The following SRP72 variants were observed in gnomAD, a reference collection of about 807,000 sequenced individuals.
SRP72 encodes signal recognition particle 72, also known as signal recognition particle subunit SRP72.
A neutral mutation model predicts 96.3 loss-of-function variants in SRP72; 49 were observed. That is an observed-to-expected ratio of 0.51 (90% confidence interval 0.40 to 0.65). The LOEUF is 0.65. SRP72 is among the 30% of genes least tolerant of loss of function. The pLI is 0.00. For missense variants in SRP72, 736 were observed against 793.3 expected, an observed-to-expected ratio of 0.93 and a Z score of 0.87; for synonymous variants, 267 against 275.2, an observed-to-expected ratio of 0.97 and a Z score of 0.30.
intron 5 of SRP72, among the ~76,000 whole-genome samples, chr4:56,475,267 A>G (rs1314805492): frequency 6.6e-6 from 1 of 151,824 alleles, no homozygotes; most frequent in African/African-American, 2.4e-5. Flanking sequence ...AAGAATTATA[A>G]TTTTTTTGGC....
intron 1 of SRP72, among the ~76,000 whole-genome samples, 200 bp from the exon 2 acceptor site, chr4:56,469,453 C>T (rs1353749822): frequency 1.3e-5 from 2 of 152,140 alleles, no homozygotes; most frequent in Non-Finnish European, 2.9e-5. Context: ...CTTATTGTCA[C>T]TTCTTAAGTT....
rs185288366 is a variant in SRP72 at position 56,480,064 on chromosome 4, A to G, written c.825+1415A>G. ...GACTTCAAAGCTTTCCCCTTCTACT[A>G]CTTAGTGGTTCTTCTCTCCTGTGGC... is the stretch of plus-strand genomic sequence containing the variant. On this transcript the variant is annotated intron_variant, in intron 8 of 18. Transcript: ENST00000642900. 2.2e-3 allele frequency among the ~76,000 whole-genome samples: 342 copies of G among 152,192 alleles called. 3 individuals carry two copies. Among genetic ancestry groups the G allele is most frequent in the African/African-American group, 8.0e-3 (333 of 41,518 alleles).
intron 13 of SRP72, among the ~76,000 whole-genome samples, chr4:56,489,774 C>T (rs1434516139): frequency 6.6e-6 from 1 of 152,078 alleles, no homozygotes; most frequent in Non-Finnish European, 1.5e-5. Flanking sequence ...TACATGATTG[C>T]ATATTTAAGA....
At position 56,490,457 on chromosome 4, in the gene SRP72, T is replaced by C. The variant is rs548910251; in HGVS notation, c.1424+21T>C. 1.1e-5 allele frequency: 17 copies of C among 1,609,968 alleles called. No individual in the cohort carries two copies. In the African/African-American group the frequency reaches 2.0e-4, roughly 19 times the overall value. On this transcript the variant is annotated intron_variant, in intron 14 of 18. Transcript: ENST00000642900. ...TGGAAGTAAGCTCTGAAACGTGGAG[T>C]TGTAGAAATAACACATTTATTGTTG...
chr4:56,485,208 T>A (rs1578187814), intron 10 of SRP72, among the ~76,000 whole-genome samples: 2 of 152,262 alleles, frequency 1.3e-5, no homozygotes, highest in East Asian at 3.9e-4. Context: ...TGAGTTCTAC[T>A]CCAGAACCTC....
chr4:56,484,026 ATTTTT>A (rs539665243), intron 9 of SRP72, among the ~76,000 whole-genome samples: 7,936 of 86,368 alleles, frequency 0.092, 304 homozygotes, highest in Admixed American at 0.16. Context: ...AGAAGCAGTA[ATTTTT>A]TTTTTTTTTT....
chr4:56,497,636 C>G (rs1427079464), intron 17 of SRP72, among the ~76,000 whole-genome samples: 1 of 151,594 alleles, frequency 6.6e-6, no homozygotes, highest in Non-Finnish European at 1.5e-5. Flanking sequence ...ATCAGCCCAC[C>G]CATACCTTGC....
intron 2 of SRP72, among the ~76,000 whole-genome samples, chr4:56,470,841 T>TC (rs1719945223): frequency 6.6e-6 from 1 of 151,588 alleles, no homozygotes; most frequent in Non-Finnish European, 1.5e-5. Context: ...TTTTTTTTTT[T>TC]TTTTTGGGAG....
chr4:56,494,164 GA>G (rs1456712522), intron 16 of SRP72, among the ~76,000 whole-genome samples: 3 of 136,396 alleles, frequency 2.2e-5, no homozygotes, highest in African/African-American at 5.5e-5. Flanking sequence ...AGACAATTTA[GA>G]ATACTATTGC....
intron 8 of SRP72, among the ~76,000 whole-genome samples, chr4:56,480,597 G>A (rs909962632): frequency 1.3e-5 from 2 of 152,106 alleles, no homozygotes; most frequent in Non-Finnish European, 2.9e-5. Context: ...ATAATTGTAG[G>A]GGAAGAGAGC....
chr4:56,495,306 C>G, intron 16 of SRP72, 51 bp from the exon 17 acceptor site: 1 of 1,311,378 alleles, frequency 7.6e-7, no homozygotes, highest in Non-Finnish European at 1.1e-6. Flanking sequence ...ACTTAATGCT[C>G]TATAAATATT....
intron 2 of SRP72, among the ~76,000 whole-genome samples, chr4:56,470,645 C>T (rs144303803): frequency 1.5e-3 from 224 of 151,646 alleles, no homozygotes; most frequent in African/African-American, 4.1e-3. Flanking sequence ...ATATTTGAGG[C>T]GTATAAATGT....
In SRP72 at chr4:56,468,900, T is replaced by G. The variant is rs1021897963; in HGVS notation, c.110-753T>G. ...TAATTGGTAGAAATTCTTGTGATTC[T>G]TTGAGAATTGGACTTCTGTAGTTGC... On this transcript the variant is annotated intron_variant, in intron 1 of 18. Coordinates refer to ENST00000642900, the MANE Select transcript of SRP72 (RefSeq NM_006947.4). 3.9e-5 allele frequency among the ~76,000 whole-genome samples: 6 copies of G among 152,328 alleles called. No homozygotes were observed. In the East Asian group the frequency reaches 1.2e-3, roughly 29 times the overall value.
rs1270998897 is a variant in SRP72, at chr4:56,468,140, T to A, written c.109+396T>A. Among the ~76,000 whole-genome samples, 8 of 152,230 alleles carry A rather than the reference T, an allele frequency of 5.3e-5. No homozygotes were observed. In the East Asian group the frequency reaches 1.5e-3, roughly 29 times the overall value. On this transcript the variant is annotated intron_variant, in intron 1 of 18. Transcript: ENST00000642900. Reference sequence around the variant, plus strand: ...CTTGAGCGCAGTGATCAGGACTCTATTGCTGAGGGAGCTTGTTCTCTTTGG... The same window carrying A: ...CTTGAGCGCAGTGATCAGGACTCTAATGCTGAGGGAGCTTGTTCTCTTTGG...
chr4:56,491,652 G>A (rs1020151036), intron 16 of SRP72, 84 bp downstream of exon 16: 4 of 1,339,592 alleles, frequency 3.0e-6, no homozygotes, highest in East Asian at 4.7e-5. Flanking sequence ...GAAATTTCAT[G>A]TGAATAAAGT....
intron 5 of SRP72, chr4:56,474,597 A>G (rs1232435207): frequency 8.5e-6 from 5 of 585,816 alleles, no homozygotes; most frequent in South Asian, 6.6e-5. Context: ...AGGCTGGAGT[A>G]CAATGGCACG....
chr4:56,496,681 T>A (rs1721081279), intron 17 of SRP72, among the ~76,000 whole-genome samples: 1 of 152,122 alleles, frequency 6.6e-6, no homozygotes, highest in Non-Finnish European at 1.5e-5. Context: ...GAGTGTAAAA[T>A]TCCCTGCCCA....
At position 56,503,456 on chromosome 4, in the gene SRP72, A is replaced by G. The variant is rs528907481; in HGVS notation, c.*1595A>G. On this transcript the variant is annotated 3_prime_UTR_variant, in exon 19 of 19. Transcript: ENST00000642900. ...GGCATTGGTATTATTAGTCATTGCT[A>G]AGCAACTAAAACTTCATCAGTTCAA... The G allele has an allele frequency of 3.9e-5, 6 of 152,358 alleles. No individual in the cohort carries two copies. The South Asian group carries it at 1.2e-3, about 32-fold the overall frequency. 9.4% of individuals were successfully genotyped at this position (152,358 alleles called of 1,614,324 possible). A position where few individuals can be genotyped will look rare whatever the true frequency, so the allele number is the denominator to read the frequency against.
intron 8 of SRP72, among the ~76,000 whole-genome samples, chr4:56,481,125 G>A (rs1276495473): frequency 2.0e-5 from 3 of 152,110 alleles, no homozygotes; most frequent in South Asian, 2.1e-4. Flanking sequence ...TAGAAAATAC[G>A]GTTTCTTTAG....
Sources: allele counts gnomAD v4.1 joint callset (sites outside exome capture counted in the v4.1 genomes callset), GRCh38; gene constraint gnomAD v4.1.1; transcripts MANE v1.5; gene names NCBI Gene and HGNC (gene_info 2026-07-23, HGNC 2026-07-21).